Variants in PCDHGA4 observed in about 807,000 individuals in gnomAD.
The protein encoded by PCDHGA4 is protocadherin gamma-A4.
Under a neutral mutation model 54.6 loss-of-function variants are expected in PCDHGA4, and 38 were observed. The observed-to-expected ratio is 0.70, with a 90% CI of 0.54 to 0.91. PCDHGA4 has a LOEUF of 0.91. PCDHGA4 is among the 40% of genes least tolerant of loss of function. PCDHGA4 has a pLI of 0.00. For synonymous variants in PCDHGA4, 511 were observed against 512.9 expected (o/e 1.00, Z 0.05); for missense variants, 1,298 against 1,220.9 (o/e 1.06, Z -0.94).
chr5:141,399,745 G>A (rs1472441281), intron 1 of PCDHGA4: 2 of 1,613,194 alleles, frequency 1.2e-6, no homozygotes, highest in African/African-American at 2.7e-5. Flanking sequence ...TGCGCTCAGC[G>A]CAAACGTGAG....
At chr5:141,404,877 T>C in intron 1 of PCDHGA4, 1 of 1,613,856 alleles carries the variant, frequency 6.2e-7, no homozygotes, top group East Asian at 2.2e-5. Flanking sequence ...AAACAGAGCC[T>C]TGTGGTGGCT....
intron 1 of PCDHGA4, among the ~76,000 whole-genome samples, chr5:141,358,037 A>G (rs1416224011): frequency 6.6e-6 from 1 of 152,124 alleles, no homozygotes; most frequent in Non-Finnish European, 1.5e-5. Flanking sequence ...TAAAATACAA[A>G]AAGTTAGCTA....
chr5:141,359,465 A>G lies in PCDHGA4; in HGVS notation c.2514+1844A>G, dbSNP rs577049017. Among the ~76,000 whole-genome samples the G allele has an allele frequency of 2.5e-3, 386 of 151,750 alleles. 1 individual carries two copies. The highest frequency in any genetic ancestry group is 8.7e-3 in the African/African-American group (360 of 41,298). ...CTTTTAGCAAATAACAATTTTGATT[A>G]AACAAATTGTTGTATATTCATATTA... On this transcript the variant is annotated intron_variant, in intron 1 of 3. Coordinates refer to ENST00000571252, the MANE Select transcript of PCDHGA4 (RefSeq NM_018917.4).
chr5:141,418,013 A>C (rs769578436), intron 1 of PCDHGA4: 2 of 1,613,906 alleles, frequency 1.2e-6, no homozygotes, highest in African/African-American at 2.7e-5. Flanking sequence ...GAACCTCGCT[A>C]AGGATCTAGG....
At chr5:141,400,235 T>TGATTCTGGCCGTTGCC in intron 1 of PCDHGA4, 1 of 1,614,006 alleles carries the variant, frequency 6.2e-7, no homozygotes, top group East Asian at 2.2e-5. Flanking sequence ...CTCCTGGCCG[T>TGATTCTGGCCGTTGCC]GATTCTGGCC....
chr5:141,487,848 G>C lies in PCDHGA4; in HGVS notation c.2515-6959G>C. ...TCATGCCTATATCTGAGTAAGAAAT[G>C]AAAGTAATTGGTGATCAAGAGCCAG... is the stretch of plus-strand genomic sequence containing the variant. On this transcript the variant is annotated intron_variant, in intron 1 of 3. Coordinates refer to ENST00000571252, the MANE Select transcript of PCDHGA4 (RefSeq NM_018917.4). The surrounding 1 kb of genome is among the most constrained non-coding windows in gnomAD (Gnocchi z 5.0). 1 of 1,022,244 alleles carries C rather than the reference G, an allele frequency of 9.8e-7. No homozygotes were observed. The highest frequency in any genetic ancestry group is 1.4e-6 in the Non-Finnish European group (1 of 711,992). The allele number at this position is 1,022,244 out of a possible 1,614,324, so 63.3% of individuals were successfully genotyped here. A position where few individuals can be genotyped will look rare whatever the true frequency, so the allele number is the denominator to read the frequency against.
intron 1 of PCDHGA4, chr5:141,410,343 G>C: frequency 6.2e-7 from 1 of 1,613,964 alleles, no homozygotes; most frequent in Non-Finnish European, 8.5e-7. Flanking sequence ...ATTGCCTTGC[G>C]CCTGCGACGC....
chr5:141,489,257 T>C lies in PCDHGA4; in HGVS notation c.2515-5550T>C, dbSNP rs2099684606. 5.8e-6 allele frequency: 9 copies of C among 1,550,190 alleles called. No homozygotes were observed. The highest frequency in any genetic ancestry group is 1.4e-5 in the African/African-American group (1 of 73,054). On this transcript the variant is annotated intron_variant, in intron 1 of 3. Transcript: ENST00000571252. This position sits in a 1 kb window ranked among gnomAD's most constrained non-coding sequence, Gnocchi z 4.5. Reference sequence around the variant, plus strand: ...TTCTGGGTCATGGGGCCCAAGACACTCCCACAGCTCGCTGGGAAATGGCAA... The same window carrying C: ...TTCTGGGTCATGGGGCCCAAGACACCCCCACAGCTCGCTGGGAAATGGCAA...
In PCDHGA4 at chr5:141,512,501, G is replaced by A. The variant is rs1474842711; in HGVS notation, c.*1328G>A. The A allele has an allele frequency of 6.5e-6, 1 of 152,914 alleles. No homozygotes were observed. The highest frequency in any genetic ancestry group is 1.5e-5 in the Non-Finnish European group (1 of 68,258). The allele number at this position is 152,914 out of a possible 1,614,324, so 9.5% of individuals were successfully genotyped here. On this transcript the variant is annotated 3_prime_UTR_variant, in exon 4 of 4. Transcript: ENST00000571252. The stretch of plus-strand genomic sequence containing the variant: ...GAAGGCCACTGCCCAGGTCCCCAGT[G>A]CGCCCCCTAGTGGCCATAGCCTGGT...
intron 1 of PCDHGA4, chr5:141,433,063 G>T (rs1411651811): frequency 3.1e-6 from 5 of 1,614,176 alleles, no homozygotes; most frequent in Non-Finnish European, 4.2e-6. Flanking sequence ...AGAGTCACCT[G>T]ATCTTCCCCC....
intron 1 of PCDHGA4, chr5:141,388,381 C>T (rs370363580): frequency 1.9e-6 from 3 of 1,613,888 alleles, no homozygotes; most frequent in African/African-American, 2.7e-5. Flanking sequence ...GGTAGCAACA[C>T]ACTGCAGAAT....
intron 3 of PCDHGA4, 86 bp downstream of exon 3, chr5:141,505,567 T>C: frequency 6.3e-7 from 1 of 1,599,440 alleles, no homozygotes; most frequent in South Asian, 1.1e-5. Flanking sequence ...ACGGACTGGA[T>C]GTCAAACCTG....
At chr5:141,472,058 C>T (rs149583469) in intron 1 of PCDHGA4, among the ~76,000 whole-genome samples, 114 of 152,176 alleles carry the variant, frequency 7.5e-4, no homozygotes, top group African/African-American at 2.6e-3. Context: ...AAATGATTGA[C>T]ATGTCTGTGG....
intron 1 of PCDHGA4, among the ~76,000 whole-genome samples, chr5:141,492,798 C>T (rs1219815576): frequency 6.6e-6 from 1 of 152,250 alleles, no homozygotes; most frequent in Non-Finnish European, 1.5e-5. Flanking sequence ...GACAGCAGGA[C>T]TGGGACTCCA....
Position 141,485,117 on chromosome 5 carries a change from G to A in PCDHGA4, c.2515-9690G>A. The A allele has an allele frequency of 3.0e-6, 4 of 1,326,200 alleles. No homozygotes were observed. The highest frequency in any genetic ancestry group is 4.3e-6 in the Non-Finnish European group (4 of 933,470). 82.2% of individuals were successfully genotyped at this position (1,326,200 alleles called of 1,614,324 possible). On this transcript the variant is annotated intron_variant, in intron 1 of 3. Transcript: ENST00000571252. The surrounding 1 kb of genome is among the most constrained non-coding windows in gnomAD (Gnocchi z 5.7). ...GTCTCCAGCTGCTGTGGCTGTTTGG[G>A]GCGGGTCGGCTTCATCCGCGTCTCA...
intron 1 of PCDHGA4, among the ~76,000 whole-genome samples, chr5:141,492,341 C>T (rs2099739551): frequency 6.6e-6 from 1 of 152,222 alleles, no homozygotes; most frequent in East Asian, 1.9e-4. Flanking sequence ...CGAATACCAG[C>T]TTTCACTGCC....
intron 1 of PCDHGA4, chr5:141,400,256 G>T (rs756430299): frequency 8.1e-6 from 13 of 1,613,868 alleles, no homozygotes; most frequent in Non-Finnish European, 1.1e-5. Flanking sequence ...GTTGCCTTGC[G>T]CCTGCGACGC....
chr5:141,406,257 C>T (rs1180988990), intron 1 of PCDHGA4, among the ~76,000 whole-genome samples: 1 of 151,898 alleles, frequency 6.6e-6, no homozygotes, highest in African/African-American at 2.4e-5. Context: ...TGGTCTCAAA[C>T]GATCTTCCTG....
intron 1 of PCDHGA4, among the ~76,000 whole-genome samples, chr5:141,449,240 G>A (rs535847654): frequency 6.6e-6 from 1 of 152,186 alleles, no homozygotes; most frequent in Non-Finnish European, 1.5e-5. Context: ...ATTTTCAAAG[G>A]AGTTGCAAGA....
Sources: allele counts gnomAD v4.1 joint callset (sites outside exome capture counted in the v4.1 genomes callset), GRCh38; gene constraint gnomAD v4.1.1; non-coding constraint Gnocchi (gnomAD v3.1); transcripts MANE v1.5; gene names NCBI Gene and HGNC (gene_info 2026-07-23, HGNC 2026-07-21).